PCDHA8: variants seen among roughly 807,000 people sequenced by gnomAD.
PCDHA8 encodes the protein protocadherin alpha 8, also known as protocadherin alpha-8.
A neutral mutation model predicts 61.8 loss-of-function variants in PCDHA8; 53 were observed. The observed-to-expected ratio is 0.86, with a 90% CI of 0.69 to 1.08. The LOEUF (loss-of-function observed/expected upper bound fraction) is 1.08. PCDHA8 is among the 50% of genes least tolerant of loss of function. The pLI is 0.00. For synonymous variants in PCDHA8, 618 were observed against 556.6 expected (o/e 1.11, Z -1.55); for missense variants, 1,293 against 1,245.0 (o/e 1.04, Z -0.58).
At chr5:140,896,381 C>A (rs1235283612) in intron 1 of PCDHA8, among the ~76,000 whole-genome samples, 1 of 152,160 alleles carries the variant, frequency 6.6e-6, no homozygotes, top group Non-Finnish European at 1.5e-5. Context: ...TTCTCTGCAA[C>A]CTCACCAGCA....
intron 1 of PCDHA8, among the ~76,000 whole-genome samples, chr5:140,946,591 A>C (rs972556402): frequency 5.0e-5 from 6 of 119,488 alleles, no homozygotes; most frequent in African/African-American, 2.1e-4. Context: ...ATAGTGGATG[A>C]ATAGATAAAG....
At chr5:140,996,596 C>T (rs1343501273) in intron 3 of PCDHA8, among the ~76,000 whole-genome samples, 1 of 152,156 alleles carries the variant, frequency 6.6e-6, no homozygotes, top group Non-Finnish European at 1.5e-5. Flanking sequence ...CCGCCTCCCC[C>T]CATTTTCATT....
chr5:140,930,375 C>T (rs2086761522), intron 1 of PCDHA8: 1 of 151,734 alleles, frequency 6.6e-6, no homozygotes, highest in Non-Finnish European at 1.5e-5. Flanking sequence ...GTTAGTGGCC[C>T]TTGGCATTTC....
intron 1 of PCDHA8, among the ~76,000 whole-genome samples, chr5:140,955,017 T>G (rs1157818120): frequency 6.6e-6 from 1 of 152,186 alleles, no homozygotes. Context: ...CCAGCACCAT[T>G]TATTAAATAG....
intron 1 of PCDHA8, among the ~76,000 whole-genome samples, chr5:140,954,068 G>A (rs1404063517): frequency 6.6e-6 from 1 of 152,174 alleles, no homozygotes; most frequent in South Asian, 2.1e-4. Context: ...TTATGCTGAG[G>A]ATAATGGCTT....
intron 1 of PCDHA8, among the ~76,000 whole-genome samples, chr5:140,948,132 C>G (rs1397250622): frequency 1.3e-5 from 2 of 151,526 alleles, no homozygotes; most frequent in African/African-American, 4.8e-5. Context: ...TTGGATTACA[C>G]TAATTGATTT....
intron 3 of PCDHA8, among the ~76,000 whole-genome samples, chr5:140,997,106 C>T (rs2153943751): frequency 6.6e-6 from 1 of 152,162 alleles, no homozygotes; most frequent in South Asian, 2.1e-4. Context: ...CTCATGCACT[C>T]CTGCTCTCCC....
chr5:140,887,286 T>TG (rs1171397329), intron 1 of PCDHA8, among the ~76,000 whole-genome samples: 1 of 151,952 alleles, frequency 6.6e-6, no homozygotes, highest in Non-Finnish European at 1.5e-5. Context: ...TTAGTAGAGA[T>TG]GGGGTTTCAT....
intron 1 of PCDHA8, chr5:140,862,516 G>T: frequency 2.4e-6 from 1 of 409,748 alleles, no homozygotes; most frequent in South Asian, 1.9e-5. Flanking sequence ...CGCTTTCATT[G>T]TTGGCCACAG....
In PCDHA8 at chr5:140,882,894, G is replaced by A. The variant is rs1554176001; in HGVS notation, c.2394+39179G>A. The A allele has an allele frequency of 5.6e-6, 9 of 1,614,190 alleles. No homozygotes were observed. The East Asian group carries it at 1.3e-4, about 24-fold the overall frequency. The stretch of plus-strand genomic sequence containing the variant: ...GACAGAGAGGAAATTCAGGAACATA[G>A]TTTATTACTGACAGCCAGTGATGGA... On this transcript the variant is annotated intron_variant, in intron 1 of 3. Coordinates refer to ENST00000531613, the MANE Select transcript of PCDHA8 (RefSeq NM_018911.3).
rs369408845 is a variant in PCDHA8, at chr5:140,898,113, C to T, written c.2394+54398C>T. On this transcript the variant is annotated intron_variant, in intron 1 of 3. Coordinates refer to ENST00000531613, the MANE Select transcript of PCDHA8 (RefSeq NM_018911.3). ...AGCCCTTTGTCAGATGAGTAGGTTG[C>T]GAAAATTTTCTCCCATTTTGTAGGT... Among the ~76,000 whole-genome samples, 401 of 152,070 alleles carry T rather than the reference C, an allele frequency of 2.6e-3. 3 individuals carry two copies. Among genetic ancestry groups the T allele is most frequent in the Admixed American group, 0.01 (153 of 15,274 alleles).
At chr5:140,884,471 G>A (rs2060197778) in intron 1 of PCDHA8, 1 of 1,613,802 alleles carries the variant, frequency 6.2e-7, no homozygotes, top group Non-Finnish European at 8.5e-7. Flanking sequence ...GTGCGCGCCG[G>A]GCAAGCCCAC....
intron 1 of PCDHA8, among the ~76,000 whole-genome samples, chr5:140,950,482 T>C (rs1384931498): frequency 6.6e-6 from 1 of 152,106 alleles, no homozygotes; most frequent in African/African-American, 2.4e-5. Flanking sequence ...TGATGAGAAG[T>C]GTGTAGTCAT....
intron 1 of PCDHA8, chr5:140,875,900 C>G (rs1554168051): frequency 1.2e-6 from 2 of 1,614,174 alleles, no homozygotes; most frequent in South Asian, 2.2e-5. Flanking sequence ...GTACCTGTTT[C>G]TGAATCTGCG....
At chr5:140,848,529 C>T (rs2150412022) in intron 1 of PCDHA8, 7 of 1,594,446 alleles carry the variant, frequency 4.4e-6, no homozygotes, top group Non-Finnish European at 6.0e-6. Flanking sequence ...TCCAGAGGGT[C>T]AGCCTCTACT....
At chr5:140,884,066 G>C in intron 1 of PCDHA8, 3 of 1,613,514 alleles carry the variant, frequency 1.9e-6, no homozygotes, top group Non-Finnish European at 2.5e-6. Flanking sequence ...GGTGGACGCC[G>C]ATTCGGGCTA....
intron 1 of PCDHA8, among the ~76,000 whole-genome samples, chr5:140,906,130 C>T (rs1554192409): frequency 6.6e-6 from 1 of 152,112 alleles, no homozygotes; most frequent in African/African-American, 2.4e-5. Flanking sequence ...AAATGTTAGT[C>T]TCCTTTGATA....
intron 3 of PCDHA8, among the ~76,000 whole-genome samples, chr5:140,989,704 A>G (rs1011656518): frequency 9.2e-5 from 14 of 152,202 alleles, no homozygotes; most frequent in Admixed American, 9.2e-4. Context: ...TTTTATCTTC[A>G]GAGGCAGTCA....
intron 1 of PCDHA8, among the ~76,000 whole-genome samples, chr5:140,945,892 G>T (rs1351699782): frequency 1.3e-5 from 2 of 152,018 alleles, no homozygotes; most frequent in African/African-American, 4.8e-5. Context: ...AGAAAACACA[G>T]TGGGAAAGAT....
Sources: gnomAD v4.1 joint callset for allele counts (sites outside exome capture counted in the v4.1 genomes callset) on GRCh38, gnomAD v4.1.1 for gene constraint, MANE v1.5 for transcripts, NCBI Gene and HGNC (gene_info 2026-07-23, HGNC 2026-07-21) for gene names.